The following PHACTR1 variants were observed in gnomAD, a reference collection of about 807,000 sequenced individuals.
PHACTR1 encodes RPEL repeat containing 1.
In PHACTR1, 16 loss-of-function variants were observed where a neutral mutation model predicts 69.2. The observed-to-expected ratio is 0.23, with a 90% CI of 0.16 to 0.35. PHACTR1 has a LOEUF of 0.35. Among genes scored for constraint, PHACTR1 ranks in the 10% least tolerant of loss-of-function variants. The probability of loss-of-function intolerance (pLI) is 1.00; values close to 1 mark genes in which losing one functional copy is unlikely to be tolerated. For missense variants in PHACTR1, 510 were observed against 734.7 expected (o/e 0.69, Z 3.54); for synonymous variants, 312 against 284.5 (o/e 1.10, Z -0.97).
intron 4 of PHACTR1, among the ~76,000 whole-genome samples, chr6:12,874,498 C>T (rs181247775): frequency 1.3e-5 from 2 of 152,322 alleles, no homozygotes; most frequent in East Asian, 3.9e-4. Context: ...AAGGGTTATA[C>T]CGTAGACACC....
chr6:12,805,787 G>A (rs971294334), intron 4 of PHACTR1, among the ~76,000 whole-genome samples: 2 of 152,006 alleles, frequency 1.3e-5, no homozygotes, highest in South Asian at 4.2e-4. Context: ...TTTTAGTAGG[G>A]ACAGGGTTTC....
intron 3 of PHACTR1, among the ~76,000 whole-genome samples, chr6:12,747,080 G>T (rs1000341776): frequency 1.3e-5 from 2 of 152,152 alleles, no homozygotes; most frequent in Admixed American, 6.5e-5. Flanking sequence ...TGCGCCTCTT[G>T]GAAGAGGAGG....
intron 4 of PHACTR1, among the ~76,000 whole-genome samples, chr6:12,785,311 C>T (rs745714879): frequency 5.3e-5 from 8 of 152,108 alleles, no homozygotes; most frequent in East Asian, 1.9e-4. Context: ...TATCCACCAC[C>T]GGTCCAATTT....
intron 4 of PHACTR1, among the ~76,000 whole-genome samples, chr6:12,988,553 G>A (rs1703121436): frequency 6.6e-6 from 1 of 152,182 alleles, no homozygotes; most frequent in Admixed American, 6.5e-5. Context: ...AGATGCAAAA[G>A]TATAATGTTC....
intron 5 of PHACTR1, among the ~76,000 whole-genome samples, chr6:13,146,303 G>A (rs573937315): frequency 3.6e-4 from 55 of 152,228 alleles, no homozygotes; most frequent in Non-Finnish European, 2.2e-4. Context: ...TCCCCTTCAG[G>A]CAAAATATTT....
rs147995590 is a variant in PHACTR1 at position 12,765,299 on chromosome 6, T to C, written c.250+15509T>C. Among the ~76,000 whole-genome samples the C allele has an allele frequency of 2.0e-4, 30 of 152,338 alleles. No homozygotes were observed. In the East Asian group the frequency reaches 5.0e-3, roughly 25 times the overall value. ...TACGCAATACAAGTTAACAATTTCA[T>C]CAACAACTAAATCTATCAGTAGAAA... On this transcript the variant is annotated intron_variant, in intron 4 of 14. Transcript: ENST00000332995.
intron 4 of PHACTR1, among the ~76,000 whole-genome samples, chr6:12,955,379 A>T (rs4588689): frequency 0.18 from 26,988 of 151,126 alleles, 2,922 homozygotes; most frequent in African/African-American, 0.28. Context: ...TTTAAAAAAA[A>T]TTTTTTATAG....
intron 4 of PHACTR1, among the ~76,000 whole-genome samples, chr6:12,976,761 G>T (rs932133345): frequency 6.6e-6 from 1 of 152,150 alleles, no homozygotes; most frequent in Non-Finnish European, 1.5e-5. Context: ...CCACCTGTGA[G>T]CCACTTAGTA....
intron 4 of PHACTR1, among the ~76,000 whole-genome samples, chr6:13,000,614 G>GAGGAAGGAACGA (rs1797964534): frequency 9.6e-6 from 1 of 103,650 alleles, no homozygotes; most frequent in African/African-American, 4.6e-5. Flanking sequence ...GGAGGGAAGG[G>GAGGAAGGAACGA]AGGAAGGAAG....
chr6:12,768,060 C>T (rs1366941357), intron 4 of PHACTR1, among the ~76,000 whole-genome samples: 2 of 144,860 alleles, frequency 1.4e-5, no homozygotes, highest in Non-Finnish European at 1.5e-5. Context: ...TGACTAGGTA[C>T]AATAACATCT....
chr6:12,790,799 C>A (rs1204626421), intron 4 of PHACTR1, among the ~76,000 whole-genome samples: 1 of 152,148 alleles, frequency 6.6e-6, no homozygotes, highest in African/African-American at 2.4e-5. Flanking sequence ...GAGATTTATC[C>A]AGCTTGATGT....
At chr6:13,153,172 G>A (rs1757684285) in intron 5 of PHACTR1, among the ~76,000 whole-genome samples, 1 of 152,192 alleles carries the variant, frequency 6.6e-6, no homozygotes, top group South Asian at 2.1e-4. Context: ...GCAAGGCTCC[G>A]AGGTGTCAGA....
intron 4 of PHACTR1, among the ~76,000 whole-genome samples, chr6:12,839,932 T>A (rs1039668698): frequency 6.6e-6 from 1 of 152,082 alleles, no homozygotes; most frequent in East Asian, 1.9e-4. Context: ...ACTTTTTTTT[T>A]ATTTATTCAG....
At chr6:13,114,611 C>A (rs1407994925) in intron 5 of PHACTR1, among the ~76,000 whole-genome samples, 1 of 152,128 alleles carries the variant, frequency 6.6e-6, no homozygotes, top group Non-Finnish European at 1.5e-5. Context: ...GTTCTCAATC[C>A]AGGGCATTTT....
chr6:13,009,632 C>T (rs1295660071), intron 4 of PHACTR1, among the ~76,000 whole-genome samples: 1 of 152,060 alleles, frequency 6.6e-6, no homozygotes, highest in Non-Finnish European at 1.5e-5. Flanking sequence ...CATAGGCAAG[C>T]AGAAAGCAGA....
At chr6:13,114,672 T>TG (rs1218268731) in intron 5 of PHACTR1, among the ~76,000 whole-genome samples, 2 of 152,186 alleles carry the variant, frequency 1.3e-5, no homozygotes, top group African/African-American at 4.8e-5. Context: ...CTGGAGGTAC[T>TG]ACTTGTTGTC....
chr6:13,048,963 G>GTAAATA, intron 4 of PHACTR1, among the ~76,000 whole-genome samples: 1 of 152,166 alleles, frequency 6.6e-6, no homozygotes, highest in Non-Finnish European at 1.5e-5. Context: ...AAATGTAATG[G>GTAAATA]GGTGATTAAA....
rs75137991 is a variant in PHACTR1 at position 13,141,929 on chromosome 6, C to T, written c.416-18275C>T. On this transcript the variant is annotated intron_variant, in intron 5 of 14. Coordinates refer to ENST00000332995, the MANE Select transcript of PHACTR1 (RefSeq NM_030948.6). ...TTGAGGATAATGGATATTTTCCACA[C>T]TATTTTTATCATTAAGTGATAAATG... Among the ~76,000 whole-genome samples, 545 of 152,070 alleles carry T rather than the reference C, an allele frequency of 3.6e-3. 2 individuals carry two copies. Among genetic ancestry groups the T allele is most frequent in the African/African-American group, 0.012 (499 of 41,464 alleles).
At chr6:13,193,634 T>C (rs1223559) in intron 7 of PHACTR1, among the ~76,000 whole-genome samples, 6,538 of 151,750 alleles carry the variant, frequency 0.043, 435 homozygotes, top group African/African-American at 0.15. Flanking sequence ...ACAGTCCTCC[T>C]GCCTCAGCCT....
Sources: allele counts gnomAD v4.1 joint callset (sites outside exome capture counted in the v4.1 genomes callset), GRCh38; gene constraint gnomAD v4.1.1; transcripts MANE v1.5; gene names NCBI Gene and HGNC (gene_info 2026-07-23, HGNC 2026-07-21).